The following SNX25 variants were observed in gnomAD, a reference collection of about 807,000 sequenced individuals.
SNX25 encodes the protein sorting nexin 25.
SNX25 carries 62 observed loss-of-function variants against 113.7 expected under a neutral mutation model. The observed-to-expected ratio is 0.55, with a 90% confidence interval of 0.44 to 0.67. The LOEUF (loss-of-function observed/expected upper bound fraction) is 0.67. Ranked by LOEUF, SNX25 falls within the 30% of genes least tolerant of loss-of-function variation. The probability of loss-of-function intolerance (pLI) is 0.00; values close to 1 mark genes in which losing one functional copy is unlikely to be tolerated. For synonymous variants in SNX25, 421 were observed against 436.2 expected (o/e 0.97, Z 0.43); for missense variants, 1,014 against 1,161.0 (o/e 0.87, Z 1.84).
intron 1 of SNX25, among the ~76,000 whole-genome samples, chr4:185,211,524 A>G (rs1396496884): frequency 6.6e-6 from 1 of 152,062 alleles, no homozygotes; most frequent in Non-Finnish European, 1.5e-5. Flanking sequence ...TTGTTTGTTG[A>G]TCAATAAAAT....
rs1233805319 is a variant in SNX25, at chr4:185,210,535, C to T, written c.429+280C>T. On this transcript the variant is annotated intron_variant, in intron 1 of 18. Transcript: ENST00000652585. This position sits in a 1 kb window ranked among gnomAD's most constrained non-coding sequence, Gnocchi z 4.4. ...CTCGACAACCATCCTCAGTCACAAC[C>T]CTAAGGGTGTCCCCAGACCTTCGGT... 6.6e-6 allele frequency among the ~76,000 whole-genome samples: 1 copy of T among 152,210 alleles called. No homozygotes were observed. Among genetic ancestry groups the T allele is most frequent in the South Asian group, 2.1e-4 (1 of 4,832 alleles).
chr4:185,356,001 C>T (rs997151464), intron 15 of SNX25, among the ~76,000 whole-genome samples: 1 of 152,244 alleles, frequency 6.6e-6, no homozygotes, highest in Non-Finnish European at 1.5e-5. Flanking sequence ...GGAACATATT[C>T]GGTTTTGCTA....
rs548020901 is a variant in SNX25, at chr4:185,306,325, C to T, written c.1163-4310C>T. ...CCATCTAAGCAACAAGCTGCTGTTG[C>T]ATTTGTTAGCAACAAGCTTTGTGAT... On this transcript the variant is annotated intron_variant, in intron 6 of 18. Coordinates refer to ENST00000652585, the MANE Select transcript of SNX25 (RefSeq NM_001378034.2). 1.4e-4 allele frequency among the ~76,000 whole-genome samples: 21 copies of T among 152,366 alleles called. No homozygotes were observed. In the East Asian group the frequency reaches 4.0e-3, roughly 29 times the overall value.
intron 7 of SNX25, among the ~76,000 whole-genome samples, chr4:185,315,036 G>A (rs921185301): frequency 6.6e-6 from 1 of 151,348 alleles, no homozygotes; most frequent in African/African-American, 2.4e-5. Flanking sequence ...AGACCATCCT[G>A]GCTAACACAG....
chr4:185,298,044 C>T (rs530067506), intron 6 of SNX25, among the ~76,000 whole-genome samples: 34 of 151,910 alleles, frequency 2.2e-4, no homozygotes, highest in African/African-American at 8.2e-4. Context: ...CCTGTCTGTA[C>T]ACCACTATCC....
Position 185,209,779 on chromosome 4 carries a change from G to C in SNX25, c.-48G>C. 7.1e-6 allele frequency: 7 copies of C among 984,022 alleles called. No individual in the cohort carries two copies. The highest frequency in any genetic ancestry group is 7.2e-6 in the Non-Finnish European group (6 of 829,400). 61.0% of individuals were successfully genotyped at this position (984,022 alleles called of 1,614,324 possible). On this transcript the variant is annotated 5_prime_UTR_variant, in exon 1 of 19. Transcript: ENST00000652585. This position sits in a 1 kb window ranked among gnomAD's most constrained non-coding sequence, Gnocchi z 5.2. Reference sequence around the variant, plus strand: ...CCCTGCCTCCGGAGCGCCGGCGGGGGACCGGGGGGCAGGAGATGTGCCTGT... The same window carrying C: ...CCCTGCCTCCGGAGCGCCGGCGGGGCACCGGGGGGCAGGAGATGTGCCTGT...
chr4:185,260,952 G>C (rs563496718), intron 3 of SNX25, among the ~76,000 whole-genome samples: 2 of 152,152 alleles, frequency 1.3e-5, no homozygotes, highest in Non-Finnish European at 2.9e-5. Context: ...ACCTCTGCAA[G>C]CACCTGCTAA....
At chr4:185,347,476 T>G (rs1212170451) in intron 13 of SNX25, among the ~76,000 whole-genome samples, 1 of 152,056 alleles carries the variant, frequency 6.6e-6, no homozygotes, top group East Asian at 1.9e-4. Flanking sequence ...TTGTTTTGTT[T>G]TGTTTTGTTT....
chr4:185,298,528 T>C (rs1252832043), intron 6 of SNX25, among the ~76,000 whole-genome samples: 2 of 152,306 alleles, frequency 1.3e-5, no homozygotes, highest in East Asian at 1.9e-4. Flanking sequence ...AAACTCATCA[T>C]TGTCTTCCCA....
chr4:185,320,725 C>A lies in SNX25; in HGVS notation c.1345-8C>A. The A allele has an allele frequency of 6.7e-7, 1 of 1,488,268 alleles. No homozygotes were observed. The allele number at this position is 1,488,268 out of a possible 1,614,324, so 92.2% of individuals were successfully genotyped here. On this transcript the variant is annotated splice_polypyrimidine_tract_variant and splice_region_variant and intron_variant, in intron 7 of 18. Coordinates refer to ENST00000652585, the MANE Select transcript of SNX25 (RefSeq NM_001378034.2). ...TTTAAAAAAAGTTTTCTTAAATTCTCTTAATAGATTCTTCAGTTTGAAGAT... is the reference window on the plus strand; with the variant it reads ...TTTAAAAAAAGTTTTCTTAAATTCTATTAATAGATTCTTCAGTTTGAAGAT...
At chr4:185,216,513 G>GTTTTTTTT (rs34410263) in intron 1 of SNX25, among the ~76,000 whole-genome samples, 30 of 96,734 alleles carry the variant, frequency 3.1e-4, no homozygotes, top group African/African-American at 1.2e-3. Flanking sequence ...TGTGTATTTG[G>GTTTTTTTT]TTTTTTTTTT....
chr4:185,326,878 T>G (rs2095160963), intron 9 of SNX25, among the ~76,000 whole-genome samples: 1 of 152,220 alleles, frequency 6.6e-6, no homozygotes, highest in Non-Finnish European at 1.5e-5. Context: ...GTTAGTGCTT[T>G]AAGAAAAACC....
chr4:185,288,429 CAT>C (rs1340111625), intron 6 of SNX25, among the ~76,000 whole-genome samples: 2 of 151,966 alleles, frequency 1.3e-5, no homozygotes, highest in Non-Finnish European at 2.9e-5. Context: ...TATCTTGAAA[CAT>C]AATCTTGATG....
chr4:185,247,019 A>G (rs1170337576), intron 1 of SNX25, among the ~76,000 whole-genome samples: 2 of 152,182 alleles, frequency 1.3e-5, no homozygotes, highest in African/African-American at 4.8e-5. Context: ...ATATATAGCT[A>G]CATCGGTTTG....
At chr4:185,265,858 T>G (rs1748004592) in intron 4 of SNX25, among the ~76,000 whole-genome samples, 1 of 152,196 alleles carries the variant, frequency 6.6e-6, no homozygotes, top group African/African-American at 2.4e-5. Context: ...TTCATTATAA[T>G]CTTATGGGGG....
intron 8 of SNX25, among the ~76,000 whole-genome samples, chr4:185,321,637 C>T (rs2095120854): frequency 6.6e-6 from 1 of 151,840 alleles, no homozygotes; most frequent in Admixed American, 6.6e-5. Context: ...AGTGAAGATC[C>T]CAATAATCAG....
intron 8 of SNX25, 104 bp downstream of exon 8, chr4:185,320,968 T>A (rs900080447): frequency 9.9e-7 from 1 of 1,006,908 alleles, no homozygotes; most frequent in Admixed American, 2.8e-5. Context: ...ATTAAAAATA[T>A]TTTAAACCAA....
chr4:185,287,952 T>C (rs1480250004), intron 5 of SNX25, 60 bp from the exon 6 acceptor site: 36 of 1,367,010 alleles, frequency 2.6e-5, no homozygotes, highest in Non-Finnish European at 3.6e-5. Flanking sequence ...TCTAAAGTTA[T>C]TTCTGAAAAT....
In SNX25 at chr4:185,210,217, C is replaced by T. The variant is rs868795597; in HGVS notation, c.391C>T (p.Arg131Trp). Residue 131 changes from arginine to tryptophan, a missense_variant, in exon 1 of 19, where the codon CGG (arginine) becomes TGG (tryptophan). Coordinates refer to ENST00000652585, the MANE Select transcript of SNX25 (RefSeq NM_001378034.2). This position sits in a 1 kb window ranked among gnomAD's most constrained non-coding sequence, Gnocchi z 4.4. ...QPPDFAAAWS[R>W]LAATSAARRP... Reference sequence around the variant, plus strand: ...GCCCGACTTCGCCGCCGCCTGGAGCCGGCTGGCCGCGACCTCAGCCGCCCG... The same window carrying T: ...GCCCGACTTCGCCGCCGCCTGGAGCTGGCTGGCCGCGACCTCAGCCGCCCG... The T allele has an allele frequency of 3.0e-6, 3 of 984,710 alleles. No individual in the cohort carries two copies. Among genetic ancestry groups the T allele is most frequent in the Middle Eastern group, 5.2e-4 (1 of 1,938 alleles). The allele number at this position is 984,710 out of a possible 1,614,324, so 61.0% of individuals were successfully genotyped here.
Sources: allele counts gnomAD v4.1 joint callset (sites outside exome capture counted in the v4.1 genomes callset), GRCh38; gene constraint gnomAD v4.1.1; non-coding constraint Gnocchi (gnomAD v3.1); transcripts MANE v1.5; gene names NCBI Gene and HGNC (gene_info 2026-07-23, HGNC 2026-07-21).